Variants in ZZEF1 observed in about 807,000 individuals in gnomAD.
ZZEF1 encodes zinc finger ZZ-type and EF-hand domain-containing protein 1.
A neutral mutation model predicts 342.8 loss-of-function variants in ZZEF1; 157 were observed. That is an observed-to-expected ratio of 0.46 (90% CI 0.40 to 0.52). ZZEF1 has a LOEUF of 0.52. Ranked by LOEUF, ZZEF1 falls within the 20% of genes least tolerant of loss-of-function variation. ZZEF1 has a pLI of 0.00. For synonymous variants in ZZEF1, 1,505 were observed against 1,429.1 expected (o/e 1.05, Z -1.20); for missense variants, 3,480 against 3,725.6 (o/e 0.93, Z 1.72).
Position 4,006,807 on chromosome 17 carries a change from A to C in ZZEF1, c.*83T>G. 9.0e-6 allele frequency: 13 copies of C among 1,436,470 alleles called. No homozygotes were observed. The highest frequency in any genetic ancestry group is 1.2e-5 in the South Asian group (1 of 81,684). The allele number at this position is 1,436,470 out of a possible 1,614,324, so 89.0% of individuals were successfully genotyped here. Reference sequence around the variant, plus strand: ...AAGGAGAGCTGGGCACTGGCGCTACAGGAGTTTTCCTGAATGAGGTTAGAT... The same window carrying C: ...AAGGAGAGCTGGGCACTGGCGCTACCGGAGTTTTCCTGAATGAGGTTAGAT... On this transcript the variant is annotated 3_prime_UTR_variant, in exon 55 of 55. Coordinates refer to ENST00000381638, the MANE Select transcript of ZZEF1 (RefSeq NM_015113.4).
chr17:4,117,648 C>CAAAAAAAAAAA (rs61155656), intron 2 of ZZEF1, among the ~76,000 whole-genome samples: 70 of 88,992 alleles, frequency 7.9e-4, no homozygotes, highest in Admixed American at 1.6e-3. Context: ...AACTCCACCT[C>CAAAAAAAAAAA]AAAAAAAAAA....
chr17:4,017,630 T>G lies in ZZEF1; in HGVS notation c.7742A>C (p.Lys2581Thr), dbSNP rs2056144031. The G allele has an allele frequency of 1.2e-6, 2 of 1,614,208 alleles. No homozygotes were observed. The highest frequency in any genetic ancestry group is 1.7e-6 in the Non-Finnish European group (2 of 1,180,034). Residue 2581 changes from lysine (K) to threonine (T), a missense_variant, in exon 48 of 55, where the codon AAG becomes ACG. Physicochemically the swap from Lys to Thr is moderately conservative, Grantham distance 78 (BLOSUM62 -1). Coordinates refer to ENST00000381638, the MANE Select transcript of ZZEF1 (RefSeq NM_015113.4). This position sits in a 1 kb window ranked among gnomAD's most constrained non-coding sequence, Gnocchi z 5.1. Reference protein sequence around the residue: ...TESELQQSYAKQRRSKSAALL... With the variant: ...TESELQQSYATQRRSKSAALL... Reference sequence around the variant, plus strand: ...GGCGGCGCTCTTGCTACGGCGCTGCTTGGCATAGCTCTGCTGCAGTTCGCT... The same window carrying G: ...GGCGGCGCTCTTGCTACGGCGCTGCGTGGCATAGCTCTGCTGCAGTTCGCT...
chr17:4,050,130 G>A (rs1437941384), intron 36 of ZZEF1, among the ~76,000 whole-genome samples: 1 of 152,148 alleles, frequency 6.6e-6, no homozygotes, highest in Non-Finnish European at 1.5e-5. Flanking sequence ...TGTCTATTTA[G>A]AAAATAATCA....
chr17:4,096,517 T>C (rs1010624975), intron 10 of ZZEF1, 92 bp downstream of exon 10: 30 of 1,072,840 alleles, frequency 2.8e-5, no homozygotes, highest in Non-Finnish European at 8.5e-6. Context: ...AAACACCTCA[T>C]GTACCCCACA....
intron 2 of ZZEF1, among the ~76,000 whole-genome samples, chr17:4,121,693 AT>A (rs1032070150): frequency 2.0e-5 from 3 of 152,102 alleles, no homozygotes; most frequent in African/African-American, 7.2e-5. Flanking sequence ...ACATTACATA[AT>A]TAAAGACAAC....
intron 42 of ZZEF1, among the ~76,000 whole-genome samples, chr17:4,027,728 C>A (rs2056448777): frequency 6.6e-6 from 1 of 151,662 alleles, no homozygotes; most frequent in Non-Finnish European, 1.5e-5. Context: ...GCATCCACAG[C>A]AGCTGGGATT....
intron 45 of ZZEF1, 133 bp from the exon 46 acceptor site, chr17:4,019,902 G>C: frequency 1.7e-6 from 1 of 600,282 alleles, no homozygotes; most frequent in Non-Finnish European, 2.8e-6. Context: ...CATTATATGG[G>C]TAGTTTAAAA....
At position 4,034,283 on chromosome 17, in the gene ZZEF1, C is replaced by G; in HGVS notation, c.6316G>C (p.Val2106Leu). ...MLPPLKSGPT[V>L]PLIDLEHVLP... Reference sequence around the variant, plus strand: ...ACGTGCTCCAGGTCTATCAGGGGAACCGTGGGGCCCTGCCAAGAGAGGGAG... The same window carrying G: ...ACGTGCTCCAGGTCTATCAGGGGAAGCGTGGGGCCCTGCCAAGAGAGGGAG... Residue 2106 changes from valine (V) to leucine (L), a missense_variant, in exon 40 of 55, where the codon GTT becomes CTT. By Grantham distance (32) the Val-to-Leu change is conservative (BLOSUM62 1). Transcript: ENST00000381638. 6.2e-7 allele frequency: 1 copy of G among 1,614,038 alleles called. No individual in the cohort carries two copies. The highest frequency in any genetic ancestry group is 8.5e-7 in the Non-Finnish European group (1 of 1,179,906).
chr17:4,024,239 C>A (rs1397011106), intron 43 of ZZEF1, among the ~76,000 whole-genome samples: 1 of 128,204 alleles, frequency 7.8e-6, no homozygotes, highest in African/African-American at 3.2e-5. Context: ...GCTCTGTTAC[C>A]CAGGCTGGAG....
rs151294252 is a variant in ZZEF1, at chr17:4,046,653, T to C, written c.6016-2279A>G. ...GACTGTCCTAAGAGAGGAATGAAAC[T>C]GGGAGAGCTACTTGCTTTGTTAAAT... is the stretch of plus-strand genomic sequence containing the variant. On this transcript the variant is annotated intron_variant, in intron 37 of 54. Transcript: ENST00000381638. Among the ~76,000 whole-genome samples the C allele has an allele frequency of 8.9e-4, 135 of 152,324 alleles. 1 individual carries two copies. The highest frequency in any genetic ancestry group is 3.0e-3 in the African/African-American group (124 of 41,576).
intron 11 of ZZEF1, among the ~76,000 whole-genome samples, chr17:4,091,877 G>C (rs2057949279): frequency 1.3e-5 from 2 of 150,126 alleles, no homozygotes; most frequent in South Asian, 2.1e-4. Context: ...AGGAATTCGA[G>C]ACCAGCCTGA....
At chr17:4,051,719 G>T (rs1176665725) in intron 35 of ZZEF1, among the ~76,000 whole-genome samples, 1 of 148,828 alleles carries the variant, frequency 6.7e-6, no homozygotes, top group Non-Finnish European at 1.5e-5. Context: ...CCTGGTCCTG[G>T]AATTGGCTTT....
chr17:4,112,090 ATATGTTT>A lies in ZZEF1; in HGVS notation c.1066+512_1066+518del, dbSNP rs1341877965. 3.9e-3 allele frequency among the ~76,000 whole-genome samples: 169 copies of A among 42,816 alleles called. 10 individuals carry two copies. Among genetic ancestry groups the A allele is most frequent in the African/African-American group, 0.016 (157 of 10,052 alleles). The allele number at this position is 42,816 out of a possible 152,430, so 28.1% of individuals were successfully genotyped here. ...TATATATATATATATATATATATAT[ATATGTTT>A]TGTTTTGTTTTTAATGAAAAAAATG... On this transcript the variant is annotated intron_variant, in intron 5 of 54. Coordinates refer to ENST00000381638, the MANE Select transcript of ZZEF1 (RefSeq NM_015113.4).
chr17:4,106,236 G>A (rs755781394), intron 6 of ZZEF1, among the ~76,000 whole-genome samples: 1 of 152,132 alleles, frequency 6.6e-6, no homozygotes, highest in African/African-American at 2.4e-5. Context: ...GTAAGCCACC[G>A]TGCCCAGCCT....
chr17:4,058,171 A>G lies in ZZEF1; in HGVS notation c.5004-16T>C, dbSNP rs1456642057. The G allele has an allele frequency of 6.2e-7, 1 of 1,605,786 alleles. No individual in the cohort carries two copies. The highest frequency in any genetic ancestry group is 8.5e-7 in the Non-Finnish European group (1 of 1,175,818). Reference sequence around the variant, plus strand: ...GAGCAAGGACCTAAAGGGCCATGAAAGTGACCATTAGCAGAGCTGCTTACT... The same window carrying G: ...GAGCAAGGACCTAAAGGGCCATGAAGGTGACCATTAGCAGAGCTGCTTACT... On this transcript the variant is annotated splice_polypyrimidine_tract_variant and intron_variant, in intron 31 of 54. Coordinates refer to ENST00000381638, the MANE Select transcript of ZZEF1 (RefSeq NM_015113.4).
At chr17:4,139,390 T>C (rs2058806064) in intron 1 of ZZEF1, among the ~76,000 whole-genome samples, 1 of 152,216 alleles carries the variant, frequency 6.6e-6, no homozygotes, top group African/African-American at 2.4e-5. Flanking sequence ...TGGCTATCTG[T>C]TTTACCATGT....
Position 4,128,099 on chromosome 17 carries a change from A to C in ZZEF1, c.355-4048T>G, listed in dbSNP as rs372360495. Among the ~76,000 whole-genome samples, 6 of 152,266 alleles carry C rather than the reference A, an allele frequency of 3.9e-5. No individual in the cohort carries two copies. The South Asian group carries it at 8.3e-4, about 21-fold the overall frequency. ...GGTGGCTCACGTCTGCAATCCCAGC[A>C]CTTCGGGAGGCTGAGGCCAGCAGAT... is the stretch of plus-strand genomic sequence containing the variant. On this transcript the variant is annotated intron_variant, in intron 1 of 54. Coordinates refer to ENST00000381638, the MANE Select transcript of ZZEF1 (RefSeq NM_015113.4).
intron 37 of ZZEF1, among the ~76,000 whole-genome samples, chr17:4,045,090 G>A (rs1054626088): frequency 1.3e-5 from 2 of 152,066 alleles, no homozygotes; most frequent in African/African-American, 4.8e-5. Context: ...GGAGGAGGAG[G>A]TTGTAGTGAG....
At chr17:4,020,476 A>T (rs1166991148) in intron 45 of ZZEF1, among the ~76,000 whole-genome samples, 1 of 151,416 alleles carries the variant, frequency 6.6e-6, no homozygotes, top group Non-Finnish European at 1.5e-5. Context: ...CTGGGTAGCC[A>T]GGACTACAGG....
Sources: gnomAD v4.1 joint callset for allele counts (sites outside exome capture counted in the v4.1 genomes callset) on GRCh38, gnomAD v4.1.1 for gene constraint, Gnocchi (gnomAD v3.1) non-coding constraint, MANE v1.5 for transcripts, NCBI Gene and HGNC (gene_info 2026-07-23, HGNC 2026-07-21) for gene names.